The following SDK1 variants were observed in gnomAD, a reference collection of about 807,000 sequenced individuals.
SDK1 encodes the protein sidekick cell adhesion molecule 1.
In SDK1, 157 loss-of-function variants were observed where a neutral mutation model predicts 245.5. That is an observed-to-expected ratio of 0.64 (90% CI 0.56 to 0.73). The LOEUF is 0.73. Ranked by LOEUF, SDK1 falls within the 30% of genes least tolerant of loss-of-function variation. The pLI is 0.00. For synonymous variants in SDK1, 1,647 were observed against 1,278.5 expected, an observed-to-expected ratio of 1.29 and a Z score of -6.15; for missense variants, 3,583 against 3,002.3, an observed-to-expected ratio of 1.19 and a Z score of -4.52.
chr7:3,904,947 C>G (rs1407290774), intron 5 of SDK1, among the ~76,000 whole-genome samples: 1 of 149,860 alleles, frequency 6.7e-6, no homozygotes, highest in African/African-American at 2.5e-5. Flanking sequence ...GAGTGGAGAT[C>G]GCGCCACTGC....
At chr7:4,260,445 G>A (rs548928651) in intron 44 of SDK1, among the ~76,000 whole-genome samples, 340 of 140,282 alleles carry the variant, frequency 2.4e-3, no homozygotes, top group Non-Finnish European at 4.0e-3. Flanking sequence ...TGATGGAGAA[G>A]CTGGCTGCTC....
intron 12 of SDK1, among the ~76,000 whole-genome samples, chr7:3,972,120 C>G (rs1431623482): frequency 5.4e-5 from 8 of 149,296 alleles, no homozygotes; most frequent in African/African-American, 2.0e-4. Flanking sequence ...TGCTCTGTCA[C>G]CTGAGCTGGA....
At chr7:4,083,769 C>T (rs1584070419) in intron 22 of SDK1, among the ~76,000 whole-genome samples, 1 of 132,262 alleles carries the variant, frequency 7.6e-6, no homozygotes, top group Non-Finnish European at 1.6e-5. Flanking sequence ...CTCCCTCCCT[C>T]CCTTCTTTCC....
chr7:3,457,955 C>T (rs963020320), intron 1 of SDK1, among the ~76,000 whole-genome samples: 1 of 152,202 alleles, frequency 6.6e-6, no homozygotes, highest in Non-Finnish European at 1.5e-5. Flanking sequence ...TACTCTCACA[C>T]TTGTCTAGGT....
In SDK1 at chr7:3,844,423, A is replaced by C. The variant is rs75094428; in HGVS notation, c.847+22840A>C. Among the ~76,000 whole-genome samples, 1,160 of 152,248 alleles carry C rather than the reference A, an allele frequency of 7.6e-3. 14 individuals are homozygous for C. The highest frequency in any genetic ancestry group is 0.026 in the African/African-American group (1,087 of 41,540). On this transcript the variant is annotated intron_variant, in intron 5 of 44. Transcript: ENST00000404826. ...AGAGTACTCCATCAGACCCACCCTA[A>C]ATTGAATTAAGACTCAGGACCCTTG...
In SDK1 at chr7:3,803,348, T is replaced by G. The variant is rs1334516115; in HGVS notation, c.714-18102T>G. Among the ~76,000 whole-genome samples, 3 of 151,642 alleles carry G rather than the reference T, an allele frequency of 2.0e-5. No individual in the cohort carries two copies. The South Asian group carries it at 6.3e-4, about 32-fold the overall frequency. On this transcript the variant is annotated intron_variant, in intron 4 of 44. Transcript: ENST00000404826. Reference sequence around the variant, plus strand: ...TTTTTGGAAACAAAGTCTTACTCTATCACCTAGGCTGGAGTGCAGTGGTGT... The same window carrying G: ...TTTTTGGAAACAAAGTCTTACTCTAGCACCTAGGCTGGAGTGCAGTGGTGT...
At position 3,874,263 on chromosome 7, in the gene SDK1, T is replaced by C. The variant is rs564103079; in HGVS notation, c.847+52680T>C. On this transcript the variant is annotated intron_variant, in intron 5 of 44. Transcript: ENST00000404826. Reference sequence around the variant, plus strand: ...AGCATGGGATAATTTTTCAGACTTGTCTCCGTATCTGCTCCCCATTTGTCT... The same window carrying C: ...AGCATGGGATAATTTTTCAGACTTGCCTCCGTATCTGCTCCCCATTTGTCT... Among the ~76,000 whole-genome samples, 5 of 152,366 alleles carry C rather than the reference T, an allele frequency of 3.3e-5. No homozygotes were observed. The South Asian group carries it at 6.2e-4, about 19-fold the overall frequency.
intron 5 of SDK1, among the ~76,000 whole-genome samples, chr7:3,931,744 G>T (rs914833650): frequency 6.6e-6 from 1 of 152,036 alleles, no homozygotes; most frequent in Non-Finnish European, 1.5e-5. Context: ...TCTCCGTGCC[G>T]ACTTATGGGG....
intron 1 of SDK1, among the ~76,000 whole-genome samples, chr7:3,505,544 C>T (rs545303934): frequency 6.6e-6 from 1 of 152,290 alleles, no homozygotes; most frequent in East Asian, 1.9e-4. Context: ...AGCCACTGCA[C>T]TTGGCTTATT....
At chr7:3,340,086 A>C (rs1780305777) in intron 1 of SDK1, among the ~76,000 whole-genome samples, 1 of 151,974 alleles carries the variant, frequency 6.6e-6, no homozygotes, top group Non-Finnish European at 1.5e-5. Flanking sequence ...AAATTTGACA[A>C]TGTAGAGGAA....
At chr7:3,526,513 T>C (rs1267839762) in intron 1 of SDK1, among the ~76,000 whole-genome samples, 4 of 152,354 alleles carry the variant, frequency 2.6e-5, no homozygotes, top group African/African-American at 7.2e-5. Flanking sequence ...ATATATCTTA[T>C]GTGTGAGTGT....
At chr7:3,918,743 C>CA (rs1429014484) in intron 5 of SDK1, among the ~76,000 whole-genome samples, 1 of 152,174 alleles carries the variant, frequency 6.6e-6, no homozygotes, top group Non-Finnish European at 1.5e-5. Flanking sequence ...ACTCAGGAGA[C>CA]ACCTGCATGC....
chr7:3,854,655 T>C (rs1780497277), intron 5 of SDK1, among the ~76,000 whole-genome samples: 1 of 152,196 alleles, frequency 6.6e-6, no homozygotes, highest in South Asian at 2.1e-4. Context: ...TGAGAAAACA[T>C]AGAAGTGACA....
chr7:3,956,239 C>T (rs1781248207), intron 7 of SDK1, among the ~76,000 whole-genome samples: 1 of 152,172 alleles, frequency 6.6e-6, no homozygotes, highest in Non-Finnish European at 1.5e-5. Context: ...GGTTGAGAGT[C>T]TATGCACAGG....
At chr7:3,940,975 C>T (rs558978567) in intron 5 of SDK1, among the ~76,000 whole-genome samples, 101 of 152,002 alleles carry the variant, frequency 6.6e-4, no homozygotes, top group Non-Finnish European at 8.1e-4. Context: ...CTGGGTACCC[C>T]GCAGGCACGT....
intron 4 of SDK1, among the ~76,000 whole-genome samples, chr7:3,744,873 CA>C (rs1404863676): frequency 6.6e-6 from 1 of 151,680 alleles, no homozygotes; most frequent in East Asian, 1.9e-4. Flanking sequence ...AAATAGAAAA[CA>C]AACAAAAATG....
At chr7:3,308,652 A>C (rs567915844) in intron 1 of SDK1, among the ~76,000 whole-genome samples, 196 of 152,244 alleles carry the variant, frequency 1.3e-3, no homozygotes, top group Middle Eastern at 3.4e-3. Context: ...ATTTTCAAAA[A>C]AATTTTTTTT....
At chr7:3,315,894 G>C (rs1184129962) in intron 1 of SDK1, among the ~76,000 whole-genome samples, 1 of 151,872 alleles carries the variant, frequency 6.6e-6, no homozygotes, top group African/African-American at 2.4e-5. Flanking sequence ...TTCATCTGTT[G>C]GAAAAAAGCA....
rs1039584431 is a variant in SDK1, at chr7:3,598,513, G to A, written c.299-20567G>A. 3.3e-5 allele frequency among the ~76,000 whole-genome samples: 5 copies of A among 152,024 alleles called. No homozygotes were observed. The East Asian group carries it at 5.8e-4, about 18-fold the overall frequency. ...GTAACATGTTACAAAAGTATAATAC[G>A]GTATTACAGCCAGGACACCAGCATC... is the stretch of plus-strand genomic sequence containing the variant. On this transcript the variant is annotated intron_variant, in intron 1 of 44. Transcript: ENST00000404826.
Sources: allele counts gnomAD v4.1 joint callset (sites outside exome capture counted in the v4.1 genomes callset), GRCh38; gene constraint gnomAD v4.1.1; transcripts MANE v1.5; gene names NCBI Gene and HGNC (gene_info 2026-07-23, HGNC 2026-07-21).